GALNT18: variants seen among roughly 807,000 people sequenced by gnomAD.
The protein encoded by GALNT18 is polypeptide N-acetylgalactosaminyltransferase 18.
Under a neutral mutation model 69.5 loss-of-function variants are expected in GALNT18, and 44 were observed. The ratio of observed to expected loss-of-function variants is 0.63; its 90% CI spans 0.50 to 0.81. GALNT18 has a LOEUF of 0.81. Among genes scored for constraint, GALNT18 ranks in the 40% least tolerant of loss-of-function variants. The probability of loss-of-function intolerance (pLI) is 0.00; values close to 1 mark genes in which losing one functional copy is unlikely to be tolerated. For synonymous variants in GALNT18, 364 were observed against 318.2 expected (o/e 1.14, Z -1.53); for missense variants, 715 against 810.0 (o/e 0.88, Z 1.42).
At chr11:11,578,967 C>T (rs1039419225) in intron 1 of GALNT18, among the ~76,000 whole-genome samples, 3 of 152,186 alleles carry the variant, frequency 2.0e-5, no homozygotes, top group African/African-American at 7.2e-5. Flanking sequence ...GGGGTGGCCT[C>T]TCTTGCCCCC....
At chr11:11,325,659 T>C (rs1849904154) in intron 9 of GALNT18, among the ~76,000 whole-genome samples, 1 of 152,188 alleles carries the variant, frequency 6.6e-6, no homozygotes, top group African/African-American at 2.4e-5. Context: ...CTCTGGAAAT[T>C]GATTAAGCTG....
chr11:11,275,750 T>C (rs1404538411), intron 10 of GALNT18, among the ~76,000 whole-genome samples: 1 of 152,246 alleles, frequency 6.6e-6, no homozygotes, highest in Admixed American at 6.5e-5. Flanking sequence ...TTTCTGCATA[T>C]GGCTAGCCAG....
At chr11:11,549,472 A>G (rs1040589235) in intron 1 of GALNT18, among the ~76,000 whole-genome samples, 4 of 152,208 alleles carry the variant, frequency 2.6e-5, no homozygotes, top group African/African-American at 9.6e-5. Context: ...TCTGTCCCAC[A>G]TGTTTGGGCC....
chr11:11,614,508 A>T lies in GALNT18; in HGVS notation c.235+6851T>A, dbSNP rs112718771. 3.4e-3 allele frequency among the ~76,000 whole-genome samples: 511 copies of T among 152,286 alleles called. 3 individuals carry two copies. Among genetic ancestry groups the T allele is most frequent in the Non-Finnish European group, 6.1e-3 (415 of 68,012 alleles). ...CAAGCCATTCATACAAACACCTCCC[A>T]CTAGGCCCCACCTCAAACACTGGGG... On this transcript the variant is annotated intron_variant, in intron 1 of 10. Coordinates refer to ENST00000227756, the MANE Select transcript of GALNT18 (RefSeq NM_198516.3). The surrounding 1 kb of genome is among the most constrained non-coding windows in gnomAD (Gnocchi z 5.6).
intron 1 of GALNT18, among the ~76,000 whole-genome samples, chr11:11,525,135 G>A (rs1351741376): frequency 6.6e-6 from 1 of 152,136 alleles, no homozygotes. Context: ...ATACATTCTG[G>A]TGTTGCCGGA....
chr11:11,301,808 G>T (rs929492916), intron 9 of GALNT18, among the ~76,000 whole-genome samples: 2 of 152,188 alleles, frequency 1.3e-5, no homozygotes, highest in African/African-American at 4.8e-5. Flanking sequence ...AGGGAAGAGC[G>T]GGAGCCCCTC....
chr11:11,481,114 A>G, intron 1 of GALNT18, among the ~76,000 whole-genome samples: 1 of 152,168 alleles, frequency 6.6e-6, no homozygotes, highest in Non-Finnish European at 1.5e-5. Context: ...GGAGGTTTCT[A>G]TGGGTCTGGG....
At position 11,296,943 on chromosome 11, in the gene GALNT18, C is replaced by T. The variant is rs141982624; in HGVS notation, c.1513-3750G>A. Among the ~76,000 whole-genome samples, 611 of 152,312 alleles carry T rather than the reference C, an allele frequency of 4.0e-3. 4 individuals carry two copies. Among genetic ancestry groups the T allele is most frequent in the African/African-American group, 0.014 (579 of 41,556 alleles). On this transcript the variant is annotated intron_variant, in intron 9 of 10. Transcript: ENST00000227756. ...ACACAAAAAAGGTGTTCAAGATGCC[C>T]TACCTTCAGTGCCTGCAGTCCCAGC...
At chr11:11,518,424 T>C (rs1437467542) in intron 1 of GALNT18, among the ~76,000 whole-genome samples, 2 of 152,242 alleles carry the variant, frequency 1.3e-5, no homozygotes, top group East Asian at 1.9e-4. Context: ...AATTGTCCTA[T>C]GGAATTATTA....
intron 6 of GALNT18, among the ~76,000 whole-genome samples, chr11:11,358,089 CCA>C: frequency 7.0e-6 from 1 of 142,362 alleles, no homozygotes; most frequent in Non-Finnish European, 1.6e-5. Flanking sequence ...TCTCCTATGC[CCA>C]TGTCCAATTT....
chr11:11,509,210 T>C (rs1414667405), intron 1 of GALNT18, among the ~76,000 whole-genome samples: 1 of 152,144 alleles, frequency 6.6e-6, no homozygotes, highest in Non-Finnish European at 1.5e-5. Context: ...CTGTGACAAT[T>C]AGGGCCCTTG....
In GALNT18 at chr11:11,538,302, G is replaced by A. The variant is rs1408341176; in HGVS notation, c.235+83057C>T. Among the ~76,000 whole-genome samples the A allele has an allele frequency of 6.6e-6, 1 of 152,226 alleles. No homozygotes were observed. The highest frequency in any genetic ancestry group is 1.5e-5 in the Non-Finnish European group (1 of 68,046). On this transcript the variant is annotated intron_variant, in intron 1 of 10. Transcript: ENST00000227756. This position sits in a 1 kb window ranked among gnomAD's most constrained non-coding sequence, Gnocchi z 5.2. Reference sequence around the variant, plus strand: ...ATCCCCAGGGCTATGATGGGGCTGGGAAGGCCACTCACTAAGGCCAGGGTG... The same window carrying A: ...ATCCCCAGGGCTATGATGGGGCTGGAAAGGCCACTCACTAAGGCCAGGGTG...
intron 1 of GALNT18, among the ~76,000 whole-genome samples, chr11:11,456,607 G>C (rs1050346374): frequency 6.6e-6 from 1 of 152,190 alleles, no homozygotes; most frequent in African/African-American, 2.4e-5. Flanking sequence ...GCTGTGTTGA[G>C]CATTCCTGTC....
rs1850529038 is a variant in GALNT18, at chr11:11,356,344, G to A, written c.1093-15340C>T. ...AGAATAACAATGTAATGGTGGCCAAGAAGCTACCTTCCAGGGTCTGATACC... is the reference window on the plus strand; with the variant it reads ...AGAATAACAATGTAATGGTGGCCAAAAAGCTACCTTCCAGGGTCTGATACC... On this transcript the variant is annotated intron_variant, in intron 6 of 10. Transcript: ENST00000227756. This position sits in a 1 kb window ranked among gnomAD's most constrained non-coding sequence, Gnocchi z 4.4. Among the ~76,000 whole-genome samples, 1 of 152,164 alleles carries A rather than the reference G, an allele frequency of 6.6e-6. No homozygotes were observed. Among genetic ancestry groups the A allele is most frequent in the Non-Finnish European group, 1.5e-5 (1 of 68,044 alleles).
Position 11,494,353 on chromosome 11 carries a change from C to T in GALNT18, c.236-45417G>A, listed in dbSNP as rs983093987. ...CTAGGATCCCATGTGACCCTGAGAGCCTGCTTCCCCAGTCTATATTTGCCA... is the reference window on the plus strand; with the variant it reads ...CTAGGATCCCATGTGACCCTGAGAGTCTGCTTCCCCAGTCTATATTTGCCA... On this transcript the variant is annotated intron_variant, in intron 1 of 10. Coordinates refer to ENST00000227756, the MANE Select transcript of GALNT18 (RefSeq NM_198516.3). The surrounding 1 kb of genome is among the most constrained non-coding windows in gnomAD (Gnocchi z 5.7). 6.6e-6 allele frequency among the ~76,000 whole-genome samples: 1 copy of T among 152,156 alleles called. No individual in the cohort carries two copies. The highest frequency in any genetic ancestry group is 1.9e-4 in the East Asian group (1 of 5,174).
At chr11:11,292,421 CAG>C (rs1257494899) in intron 10 of GALNT18, among the ~76,000 whole-genome samples, 1 of 152,192 alleles carries the variant, frequency 6.6e-6, no homozygotes, top group Non-Finnish European at 1.5e-5. Context: ...CCTGAATTAA[CAG>C]AGACTTAATA....
At chr11:11,374,327 G>A (rs868355055) in intron 5 of GALNT18, among the ~76,000 whole-genome samples, 3 of 152,070 alleles carry the variant, frequency 2.0e-5, no homozygotes, top group Non-Finnish European at 2.9e-5. Flanking sequence ...AACCTCACAC[G>A]GACTAAATTA....
intron 1 of GALNT18, among the ~76,000 whole-genome samples, chr11:11,545,739 G>A (rs1056334569): frequency 2.0e-5 from 3 of 152,222 alleles, no homozygotes; most frequent in Non-Finnish European, 2.9e-5. Context: ...GGACAGCCAA[G>A]CCAGGGGAAG....
At chr11:11,301,319 C>T (rs7124558) in intron 9 of GALNT18, among the ~76,000 whole-genome samples, 49,547 of 151,920 alleles carry the variant, frequency 0.33, 8,237 homozygotes, top group Middle Eastern at 0.42. Flanking sequence ...GGGCTCTTTT[C>T]CCTCTTTTTC....
Sources: gnomAD v4.1 joint callset for allele counts (sites outside exome capture counted in the v4.1 genomes callset) on GRCh38, gnomAD v4.1.1 for gene constraint, Gnocchi (gnomAD v3.1) non-coding constraint, MANE v1.5 for transcripts, NCBI Gene and HGNC (gene_info 2026-07-23, HGNC 2026-07-21) for gene names.